The following PRSS23 variants were observed in gnomAD, a reference collection of about 807,000 sequenced individuals.
PRSS23 encodes serine protease 23.
A neutral mutation model predicts 34.7 loss-of-function variants in PRSS23; 25 were observed. The observed-to-expected ratio is 0.72, with a 90% CI of 0.53 to 1.01. The LOEUF (loss-of-function observed/expected upper bound fraction) is 1.01. Among genes scored for constraint, PRSS23 ranks in the 50% least tolerant of loss-of-function variants. The pLI, the probability that PRSS23 is intolerant of heterozygous loss-of-function variation, is 0.00. For synonymous variants in PRSS23, 176 were observed against 186.6 expected, an observed-to-expected ratio of 0.94 and a Z score of 0.46; for missense variants, 445 against 475.6, an observed-to-expected ratio of 0.94 and a Z score of 0.60.
chr11:86,880,047 G>C (rs373775017), intron 2 of PRSS23, among the ~76,000 whole-genome samples: 2 of 151,176 alleles, frequency 1.3e-5, no homozygotes, highest in South Asian at 2.1e-4. Flanking sequence ...GATGGTTGCC[G>C]TGTCTGTGTA....
chr11:86,932,053 T>C (rs1395213145), intron 2 of PRSS23, among the ~76,000 whole-genome samples: 2 of 152,222 alleles, frequency 1.3e-5, no homozygotes, highest in South Asian at 2.1e-4. Flanking sequence ...CTATCAAAAT[T>C]TGGAGGTGAT....
chr11:86,826,614 A>G (rs894112297), intron 2 of PRSS23, among the ~76,000 whole-genome samples: 1 of 152,204 alleles, frequency 6.6e-6, no homozygotes, highest in Non-Finnish European at 1.5e-5. Flanking sequence ...ATTCAGTATG[A>G]TATTGGCTGT....
At chr11:86,899,523 T>C (rs1373879785) in intron 2 of PRSS23, among the ~76,000 whole-genome samples, 2 of 151,624 alleles carry the variant, frequency 1.3e-5, no homozygotes, top group East Asian at 3.9e-4. Context: ...CGTTTCTTTT[T>C]TTTTTTTTTG....
chr11:86,895,477 CTTTTTTTTTTTT>C (rs71040269), intron 2 of PRSS23, among the ~76,000 whole-genome samples: 1 of 86,636 alleles, frequency 1.2e-5, no homozygotes, highest in Non-Finnish European at 2.1e-5. Flanking sequence ...TTATTTTATC[CTTTTTTTTTTTT>C]TTTTTTTTTT....
intron 2 of PRSS23, among the ~76,000 whole-genome samples, chr11:86,856,613 A>C (rs11234833): frequency 0.39 from 59,689 of 151,784 alleles, 12,181 homozygotes; most frequent in African/African-American, 0.5. Flanking sequence ...CACGTTTAAG[A>C]AAAATTATGT....
intron 2 of PRSS23, among the ~76,000 whole-genome samples, chr11:86,841,369 AAAG>A: frequency 6.6e-6 from 1 of 151,470 alleles, no homozygotes; most frequent in Admixed American, 6.6e-5. Flanking sequence ...GAAAAAAAAA[AAAG>A]AACAAGGACT....
intron 2 of PRSS23, among the ~76,000 whole-genome samples, chr11:86,940,494 C>T (rs1949200255): frequency 6.6e-6 from 1 of 152,162 alleles, no homozygotes; most frequent in Non-Finnish European, 1.5e-5. Flanking sequence ...CTCATCCAAA[C>T]CGGTCTTCCT....
rs547800765 is a variant in PRSS23 at position 86,807,627 on chromosome 11, A to G, written c.-13-4A>G. Reference sequence around the variant, plus strand: ...TCCTGACCTGCTTGTCTTTGTTTCTACAGAACAGTGCTCGGCATGGCAGGG... The same window carrying G: ...TCCTGACCTGCTTGTCTTTGTTTCTGCAGAACAGTGCTCGGCATGGCAGGG... On this transcript the variant is annotated splice_region_variant and splice_polypyrimidine_tract_variant and intron_variant, in intron 1 of 1. Coordinates refer to ENST00000280258, the MANE Select transcript of PRSS23 (RefSeq NM_007173.6). 1.3e-6 allele frequency: 2 copies of G among 1,589,890 alleles called. No homozygotes were observed. The highest frequency in any genetic ancestry group is 2.7e-5 in the African/African-American group (2 of 74,118).
intron 2 of PRSS23, among the ~76,000 whole-genome samples, chr11:86,880,352 G>T (rs1948764535): frequency 6.6e-6 from 1 of 150,842 alleles, no homozygotes; most frequent in Non-Finnish European, 1.5e-5. Flanking sequence ...AGAGACCTTT[G>T]TTCACTTGTT....
chr11:86,807,276 A>G (rs1362323642), intron 1 of PRSS23, among the ~76,000 whole-genome samples: 1 of 152,178 alleles, frequency 6.6e-6, no homozygotes, highest in Non-Finnish European at 1.5e-5. Context: ...GTTTAGAATC[A>G]AGCACAAAGA....
intron 2 of PRSS23, among the ~76,000 whole-genome samples, chr11:86,849,552 T>C (rs1296865600): frequency 6.6e-6 from 1 of 152,174 alleles, no homozygotes; most frequent in East Asian, 1.9e-4. Context: ...CAATATCCCT[T>C]AAGGCCTGAA....
At position 86,939,426 on chromosome 11, in the gene PRSS23, A is replaced by ATATATATATATTTT; in HGVS notation, c.207-11789_207-11788insATATATATATTTTT. 2.2e-3 allele frequency among the ~76,000 whole-genome samples: 206 copies of ATATATATATATTTT among 93,784 alleles called. 4 individuals are homozygous for ATATATATATATTTT. The highest frequency in any genetic ancestry group is 3.3e-3 in the Non-Finnish European group (141 of 42,962). The allele number at this position is 93,784 out of a possible 152,430, so 61.5% of individuals were successfully genotyped here. On this transcript the variant is annotated intron_variant, in intron 2 of 2. Transcript: ENST00000533902. Reference sequence around the variant, plus strand: ...AAAATATATATATATATATATATATATTTTTTAACATGAGTAAAAATTGCA... The same window carrying ATATATATATATTTT: ...AAAATATATATATATATATATATATATATATATATATTTTTTTTTTAACATGAGTAAAAATTGCA...
chr11:86,897,808 A>C (rs1465971512), intron 2 of PRSS23, among the ~76,000 whole-genome samples: 2 of 152,204 alleles, frequency 1.3e-5, no homozygotes, highest in Non-Finnish European at 2.9e-5. Flanking sequence ...TCAAAGAAGA[A>C]AAAGAGCAGA....
intron 2 of PRSS23, among the ~76,000 whole-genome samples, chr11:86,838,360 G>C (rs887105798): frequency 3.9e-5 from 6 of 152,180 alleles, no homozygotes; most frequent in African/African-American, 9.6e-5. Context: ...CTTGCTCACT[G>C]TTAGCACAGC....
intron 2 of PRSS23, among the ~76,000 whole-genome samples, chr11:86,846,447 C>T (rs1203651112): frequency 6.6e-6 from 1 of 152,140 alleles, no homozygotes; most frequent in Admixed American, 6.5e-5. Context: ...CTCTAACAAC[C>T]CCTGACCCTT....
chr11:86,866,052 G>A (rs1939105), intron 2 of PRSS23, among the ~76,000 whole-genome samples: 101,553 of 151,966 alleles, frequency 0.67, 34,744 homozygotes, highest in African/African-American at 0.81. Flanking sequence ...CACTTCTTGT[G>A]TGGCCTCCTA....
At chr11:86,801,406 C>T (rs189813828) in intron 1 of PRSS23, among the ~76,000 whole-genome samples, 2 of 152,338 alleles carry the variant, frequency 1.3e-5, no homozygotes, top group Admixed American at 6.5e-5. Flanking sequence ...CTTTCCAGCA[C>T]CTCAGGAGAA....
chr11:86,904,082 G>C (rs955944630), intron 2 of PRSS23, among the ~76,000 whole-genome samples: 5 of 152,190 alleles, frequency 3.3e-5, no homozygotes, highest in African/African-American at 1.2e-4. Context: ...ATCAGGGATA[G>C]CATATAGGTC....
chr11:86,871,759 T>C (rs1590904853), intron 2 of PRSS23, among the ~76,000 whole-genome samples: 1 of 152,160 alleles, frequency 6.6e-6, no homozygotes, highest in East Asian at 1.9e-4. Context: ...CATTGGGAGA[T>C]ATAGAAAGTC....
Sources: allele counts gnomAD v4.1 joint callset (sites outside exome capture counted in the v4.1 genomes callset), GRCh38; gene constraint gnomAD v4.1.1; transcripts MANE v1.5; gene names NCBI Gene and HGNC (gene_info 2026-07-23, HGNC 2026-07-21).